FAT3: variants seen among roughly 807,000 people sequenced by gnomAD.
FAT3 encodes the protein protocadherin Fat 3.
A neutral mutation model predicts 310.2 loss-of-function variants in FAT3; 95 were observed. The ratio of observed to expected loss-of-function variants is 0.31; its 90% CI spans 0.26 to 0.36. The LOEUF (loss-of-function observed/expected upper bound fraction) is 0.36. FAT3 is among the 10% of genes least tolerant of loss of function. FAT3 has a pLI of 1.00. For missense variants in FAT3, 5,408 were observed against 5,715.6 expected (o/e 0.95, Z 1.74); for synonymous variants, 2,314 against 2,192.9 (o/e 1.06, Z -1.54).
Position 92,486,130 on chromosome 11 carries a change from G to GTTTTT in FAT3, c.3293-38480_3293-38476dup, listed in dbSNP as rs71064714. ...GTGAAATAGAGGAGAGGCTGCTGGG[G>GTTTTT]TTTTTTTTTTTTTTTTTTTTTTTTT... On this transcript the variant is annotated intron_variant, in intron 2 of 27. Transcript: ENST00000525166. Among the ~76,000 whole-genome samples, 68 of 37,136 alleles carry GTTTTT rather than the reference G, an allele frequency of 1.8e-3. 6 individuals are homozygous for GTTTTT. The highest frequency in any genetic ancestry group is 4.3e-3 in the African/African-American group (50 of 11,558). 24.4% of individuals were successfully genotyped at this position (37,136 alleles called of 152,430 possible). A position where few individuals can be genotyped will look rare whatever the true frequency, so the allele number is the denominator to read the frequency against.
chr11:92,229,196 G>C (rs907975515), intron 1 of FAT3, among the ~76,000 whole-genome samples: 1 of 152,146 alleles, frequency 6.6e-6, no homozygotes, highest in African/African-American at 2.4e-5. Flanking sequence ...ACTTATTGGT[G>C]AAATTTTCTG....
chr11:92,340,036 TGGGA>T (rs1307244988), intron 1 of FAT3, among the ~76,000 whole-genome samples: 1 of 133,626 alleles, frequency 7.5e-6, no homozygotes, highest in Non-Finnish European at 1.5e-5. Context: ...GGCGTGAACC[TGGGA>T]GGCAGAGCTT....
rs1947330473 is a variant in FAT3 at position 92,801,022 on chromosome 11, A to G, written c.8009A>G (p.Lys2670Arg). 1.9e-6 allele frequency: 3 copies of G among 1,613,626 alleles called. No homozygotes were observed. In the Admixed American group the frequency reaches 5.0e-5, roughly 27 times the overall value. ...MVTKGNFNQLKNTVLSFFVKA... is the reference protein window; with the variant it reads ...MVTKGNFNQLRNTVLSFFVKA... ...ACAAAGGGTAATTTTAACCAGCTGA[A>G]AAATACAGTGCTTTCGTTCTTTGTC... The change falls in exon 10 of 28, where the codon AAA becomes AGA. Residue 2670 changes from lysine (K) to arginine (R), a missense_variant. Lys to Arg is a conservative substitution (Grantham distance 26). Around this residue, in one of 5 missense-constraint regions of FAT3, gnomAD observed 4,588 missense variants for 4,809.8 expected, o/e 0.95. Coordinates refer to ENST00000525166, the MANE Select transcript of FAT3 (RefSeq NM_001367949.2).
intron 3 of FAT3, among the ~76,000 whole-genome samples, chr11:92,538,859 G>C (rs1954348437): frequency 6.6e-6 from 1 of 151,992 alleles, no homozygotes; most frequent in African/African-American, 2.4e-5. Context: ...ATATTTATTG[G>C]TTGTTTTAGG....
At chr11:92,613,569 C>A in intron 3 of FAT3, among the ~76,000 whole-genome samples, 1 of 152,056 alleles carries the variant, frequency 6.6e-6, no homozygotes, top group Non-Finnish European at 1.5e-5. Context: ...TAATAACCCA[C>A]CAACTCTCTT....
chr11:92,480,121 C>T (rs1413274693), intron 2 of FAT3, among the ~76,000 whole-genome samples: 8 of 151,764 alleles, frequency 5.3e-5, no homozygotes, highest in Non-Finnish European at 8.8e-5. Flanking sequence ...AAAAATTAGC[C>T]GGGCGTGGTG....
intron 3 of FAT3, among the ~76,000 whole-genome samples, chr11:92,562,247 C>T (rs962652508): frequency 1.3e-5 from 2 of 152,128 alleles, no homozygotes; most frequent in Non-Finnish European, 2.9e-5. Context: ...ACAATACCTC[C>T]TATTTGTATC....
At chr11:92,527,265 T>C (rs1010084421) in intron 3 of FAT3, among the ~76,000 whole-genome samples, 12 of 152,194 alleles carry the variant, frequency 7.9e-5, no homozygotes, top group African/African-American at 2.9e-4. Flanking sequence ...ACTTACCAGC[T>C]TCATGACCTT....
intron 7 of FAT3, among the ~76,000 whole-genome samples, chr11:92,787,920 C>G (rs974253176): frequency 6.6e-6 from 1 of 151,950 alleles, no homozygotes; most frequent in African/African-American, 2.4e-5. Context: ...AACCTTGATG[C>G]TCTAATTTTG....
At chr11:92,572,780 A>G (rs1397244899) in intron 3 of FAT3, among the ~76,000 whole-genome samples, 1 of 152,142 alleles carries the variant, frequency 6.6e-6, no homozygotes, top group Non-Finnish European at 1.5e-5. Flanking sequence ...ATCTTCCATA[A>G]TATACACTGA....
At chr11:92,395,701 C>T (rs996771274) in intron 2 of FAT3, among the ~76,000 whole-genome samples, 1 of 152,010 alleles carries the variant, frequency 6.6e-6, no homozygotes, top group Non-Finnish European at 1.5e-5. Context: ...GCCTCACCCT[C>T]CTGAGTAGCT....
chr11:92,367,223 G>A (rs1949048452), intron 2 of FAT3: 2 of 303,058 alleles, frequency 6.6e-6, no homozygotes, highest in Non-Finnish European at 1.3e-5. Context: ...TCTCTGTGGT[G>A]GATCAGCACC....
intron 2 of FAT3, among the ~76,000 whole-genome samples, chr11:92,473,980 C>T (rs565845294): frequency 6.6e-6 from 1 of 152,286 alleles, no homozygotes; most frequent in African/African-American, 2.4e-5. Context: ...TCCTATGGAG[C>T]TGAGAATTAC....
intron 1 of FAT3, among the ~76,000 whole-genome samples, chr11:92,279,216 T>A (rs904509219): frequency 1.5e-4 from 23 of 152,300 alleles, no homozygotes; most frequent in African/African-American, 5.3e-4. Context: ...AGGGCTCAGC[T>A]GCTTCTGTCC....
intron 1 of FAT3, among the ~76,000 whole-genome samples, chr11:92,323,146 G>A (rs1334895253): frequency 2.6e-5 from 4 of 152,076 alleles, no homozygotes; most frequent in East Asian, 3.9e-4. Flanking sequence ...TAATCTCCTT[G>A]TATATCTCCA....
At chr11:92,299,983 C>T (rs1227664115) in intron 1 of FAT3, among the ~76,000 whole-genome samples, 1 of 152,102 alleles carries the variant, frequency 6.6e-6, no homozygotes, top group Non-Finnish European at 1.5e-5. Context: ...CTCCTCATCT[C>T]ATACATTCAA....
At chr11:92,586,704 A>T (rs1412362531) in intron 3 of FAT3, among the ~76,000 whole-genome samples, 1 of 152,024 alleles carries the variant, frequency 6.6e-6, no homozygotes, top group African/African-American at 2.4e-5. Flanking sequence ...TCTACTAATC[A>T]TGATTAAAAT....
chr11:92,349,052 G>T (rs2134616674), intron 1 of FAT3, among the ~76,000 whole-genome samples: 1 of 152,242 alleles, frequency 6.6e-6, no homozygotes, highest in Non-Finnish European at 1.5e-5. Flanking sequence ...GAAAAGTTCA[G>T]TTGAACTGTA....
chr11:92,595,071 A>G (rs1939635512), intron 3 of FAT3, among the ~76,000 whole-genome samples: 1 of 151,460 alleles, frequency 6.6e-6, no homozygotes, highest in South Asian at 2.1e-4. Flanking sequence ...GCCCATGTGT[A>G]CTCCACACAA....
Sources: allele counts gnomAD v4.1 joint callset (sites outside exome capture counted in the v4.1 genomes callset), GRCh38; gene constraint gnomAD v4.1.1; regional missense constraint gnomAD v4.1.1; transcripts MANE v1.5; gene names NCBI Gene and HGNC (gene_info 2026-07-23, HGNC 2026-07-21).